HLA-DOA: variants seen among roughly 807,000 people sequenced by gnomAD.
HLA-DOA encodes major histocompatibility complex, class II, DO alpha.
In HLA-DOA, 27 loss-of-function variants were observed where a neutral mutation model predicts 22.9. The ratio of observed to expected loss-of-function variants is 1.18; its 90% CI spans 0.87 to 1.62. HLA-DOA has a LOEUF of 1.62. HLA-DOA is among the 40% of genes most tolerant of loss of function. HLA-DOA has a pLI of 0.00. For synonymous variants in HLA-DOA, 137 were observed against 138.6 expected (o/e 0.99, Z 0.08); for missense variants, 324 against 332.4 (o/e 0.97, Z 0.20).
In HLA-DOA at chr6:33,006,391, T is replaced by C; in HGVS notation, c.*447A>G. ...CATCCCTTTCAGGGTAAACCTGAAC[T>C]CAGGAGGCAAATTTCATGAAGTCCA... On this transcript the variant is annotated 3_prime_UTR_variant, in exon 5 of 5. Transcript: ENST00000229829. 3.8e-6 allele frequency: 1 copy of C among 265,018 alleles called. No individual in the cohort carries two copies. Among genetic ancestry groups the C allele is most frequent in the Admixed American group, 4.5e-5 (1 of 22,066 alleles). 16.4% of individuals were successfully genotyped at this position (265,018 alleles called of 1,614,324 possible). A position where few individuals can be genotyped will look rare whatever the true frequency, so the allele number is the denominator to read the frequency against.
At chr6:33,006,979 G>A in intron 4 of HLA-DOA, 101 bp downstream of exon 4, 1 of 1,513,460 alleles carries the variant, frequency 6.6e-7, no homozygotes, top group South Asian at 1.2e-5. Context: ...TTTCTTTTCT[G>A]ACTTCTTTCC....
rs913428613 is a variant in HLA-DOA, at chr6:33,008,142, C to G, written c.202G>C (p.Val68Leu). The change falls in exon 2 of 5, where the codon GTG (valine) becomes CTG (leucine). Residue 68 changes from valine to leucine, a missense_variant. By Grantham distance (32) the Val-to-Leu change is conservative (BLOSUM62 1). Coordinates refer to ENST00000229829, the MANE Select transcript of HLA-DOA (RefSeq NM_002119.4). Reference protein sequence around the residue: ...FSVDLKKSEAVWRLPEFGDFA... With the variant: ...FSVDLKKSEALWRLPEFGDFA... Reference sequence around the variant, plus strand: ...TCACCAAACTCAGGCAGACGCCACACGGCCTCGCTTTTCTTCAGGTCCACA... The same window carrying G: ...TCACCAAACTCAGGCAGACGCCACAGGGCCTCGCTTTTCTTCAGGTCCACA... 1.9e-6 allele frequency: 3 copies of G among 1,612,974 alleles called. No homozygotes were observed. Among genetic ancestry groups the G allele is most frequent in the Non-Finnish European group, 2.5e-6 (3 of 1,180,046 alleles).
In HLA-DOA at chr6:33,006,902, T is replaced by C. The variant is rs1272793789; in HGVS notation, c.750-61A>G. 3 of 1,488,514 alleles carry C rather than the reference T, an allele frequency of 2.0e-6. No individual in the cohort carries two copies. The African/African-American group carries it at 4.1e-5, about 21-fold the overall frequency. 92.2% of individuals were successfully genotyped at this position (1,488,514 alleles called of 1,614,324 possible). A position where few individuals can be genotyped will look rare whatever the true frequency, so the allele number is the denominator to read the frequency against. ...AATTTCAATATGCTGGGATCCTATC[T>C]CTGAGTGCCCACCTCCCCCAAAACC... is the stretch of plus-strand genomic sequence containing the variant. On this transcript the variant is annotated intron_variant, in intron 4 of 4. Coordinates refer to ENST00000229829, the MANE Select transcript of HLA-DOA (RefSeq NM_002119.4).
chr6:33,007,816 G>T, intron 2 of HLA-DOA, 197 bp downstream of exon 2: 1 of 856,646 alleles, frequency 1.2e-6, no homozygotes, highest in Non-Finnish European at 1.8e-6. Context: ...GGGAGTCCGG[G>T]TGAGAGGTGT....
At chr6:33,008,511 G>A in intron 1 of HLA-DOA, 3 of 1,022,144 alleles carry the variant, frequency 2.9e-6, no homozygotes, top group Non-Finnish European at 2.6e-6. Flanking sequence ...GGAAGAGGAG[G>A]GACTGCCTAA....
chr6:33,007,854 G>A, intron 2 of HLA-DOA, 159 bp downstream of exon 2: 1 of 1,045,336 alleles, frequency 9.6e-7, no homozygotes, highest in Non-Finnish European at 1.4e-6. Flanking sequence ...GGTGCCAAAG[G>A]GGTCTGGGAA....
rs2127550517 is a variant in HLA-DOA at position 33,008,128 on chromosome 6, A to G, written c.216T>C (p.Pro72=). 3 of 1,613,112 alleles carry G rather than the reference A, an allele frequency of 1.9e-6. No homozygotes were observed. The highest frequency in any genetic ancestry group is 2.7e-5 in the African/African-American group (2 of 75,066). The part of the protein sequence containing the change: ...LKKSEAVWRL[P]EFGDFARFDP... ...CAAAGCGGGCAAAGTCACCAAACTC[A>G]GGCAGACGCCACACGGCCTCGCTTT... is the stretch of plus-strand genomic sequence containing the variant. The change falls in exon 2 of 5, where the codon CCT becomes CCC. Residue 72 remains proline (P), a synonymous_variant. Transcript: ENST00000229829.
In HLA-DOA at chr6:33,004,348, A is replaced by C. The variant is rs549153086; in HGVS notation, c.*2490T>G. ...TGTGATGTCTTCTGAGAACCAACTT[A>C]TTCCTCTTTCTCTGAGAAGAACTTG... On this transcript the variant is annotated 3_prime_UTR_variant, in exon 5 of 5. Coordinates refer to ENST00000229829, the MANE Select transcript of HLA-DOA (RefSeq NM_002119.4). The C allele has an allele frequency of 4.6e-5, 7 of 152,308 alleles. No individual in the cohort carries two copies. Among genetic ancestry groups the C allele is most frequent in the African/African-American group, 1.7e-4 (7 of 41,548 alleles). 9.4% of individuals were successfully genotyped at this position (152,308 alleles called of 1,614,324 possible).
chr6:33,006,971 T>C, intron 4 of HLA-DOA, 109 bp downstream of exon 4: 1 of 1,507,602 alleles, frequency 6.6e-7, no homozygotes, highest in African/African-American at 1.4e-5. Context: ...CCTGCCCATT[T>C]CTTTTCTGAC....
Position 33,008,339 on chromosome 6 carries a change from C to T in HLA-DOA, c.83-78G>A, listed in dbSNP as rs1363945903. The T allele has an allele frequency of 3.2e-6, 5 of 1,555,542 alleles. No individual in the cohort carries two copies. The African/African-American group carries it at 5.4e-5, about 17-fold the overall frequency. On this transcript the variant is annotated intron_variant, in intron 1 of 4. Coordinates refer to ENST00000229829, the MANE Select transcript of HLA-DOA (RefSeq NM_002119.4). ...ATCCACAATATGTGATTGTTGAGTCCCTGAGCCTGGGCCCCGTCCTGGGTT... is the reference window on the plus strand; with the variant it reads ...ATCCACAATATGTGATTGTTGAGTCTCTGAGCCTGGGCCCCGTCCTGGGTT...
In HLA-DOA at chr6:33,007,100, T is replaced by C. The variant is rs1249646590; in HGVS notation, c.729A>G (p.Thr243=). 6.2e-7 allele frequency: 1 copy of C among 1,613,406 alleles called. No individual in the cohort carries two copies. ...TGCACCTGGGGACACTGGACACATA[T>C]GTGCCCATGATGATGAGGACGGTGC... The part of the protein sequence containing the change: ...LVGTVLIIMG[T]YVSSVPR The change falls in exon 4 of 5, where the codon ACA becomes ACG. Residue 243 remains threonine (T), a synonymous_variant. Coordinates refer to ENST00000229829, the MANE Select transcript of HLA-DOA (RefSeq NM_002119.4).
rs371973382 is a variant in HLA-DOA, at chr6:33,009,158, G to T, written c.82+297C>A. 5.9e-5 allele frequency among the ~76,000 whole-genome samples: 9 copies of T among 152,268 alleles called. No homozygotes were observed. In the South Asian group the frequency reaches 1.9e-3, roughly 32 times the overall value. ...GGCCAGGGGTGGTAGAGAAATCAGG[G>T]TGCTTGCTGGCATCTGTTGGGTGGA... On this transcript the variant is annotated intron_variant, in intron 1 of 4. Transcript: ENST00000229829. The surrounding 1 kb of genome is among the most constrained non-coding windows in gnomAD (Gnocchi z 4.8).
Position 33,007,517 on chromosome 6 carries a change from T to G in HLA-DOA, c.407A>C (p.Asp136Ala), listed in dbSNP as rs1780871107. ...ATTGATCACAGGGGGGAAGATGTTG[T>G]CCACGATGCAGATGAGGATGTTGGG... Reference protein sequence around the residue: ...GQPNILICIVDNIFPPVINIT... With the variant: ...GQPNILICIVANIFPPVINIT... The change falls in exon 3 of 5, where the codon GAC (aspartate) becomes GCC (alanine). Residue 136 changes from aspartate (D) to alanine (A), a missense_variant. Coordinates refer to ENST00000229829, the MANE Select transcript of HLA-DOA (RefSeq NM_002119.4). 1 of 1,612,882 alleles carries G rather than the reference T, an allele frequency of 6.2e-7. No homozygotes were observed. Among genetic ancestry groups the G allele is most frequent in the African/African-American group, 1.3e-5 (1 of 74,930 alleles).
In HLA-DOA at chr6:33,008,001, G is replaced by A; in HGVS notation, c.331+12C>T. 6.2e-7 allele frequency: 1 copy of A among 1,605,228 alleles called. No homozygotes were observed. On this transcript the variant is annotated intron_variant, in intron 2 of 4. Coordinates refer to ENST00000229829, the MANE Select transcript of HLA-DOA (RefSeq NM_002119.4). ...TCCCGCCTGACTGGGTGGGCAGAGG[G>A]AGGGCCGGTACCGTTGATGGCTCTG...
chr6:33,008,175 G>A lies in HLA-DOA; in HGVS notation c.169C>T (p.Leu57=). The part of the protein sequence containing the change: ...QFTHEFDEEQ[L]FSVDLKKSEA... ...CTTTTCTTCAGGTCCACAGAGAACA[G>A]CTGTTCCTCATCAAATTCATGGGTG... Residue 57 remains leucine, a synonymous_variant, in exon 2 of 5, where the codon CTG becomes TTG. Coordinates refer to ENST00000229829, the MANE Select transcript of HLA-DOA (RefSeq NM_002119.4). 6.2e-7 allele frequency: 1 copy of A among 1,613,088 alleles called. No individual in the cohort carries two copies. Among genetic ancestry groups the A allele is most frequent in the South Asian group, 1.1e-5 (1 of 91,086 alleles).
chr6:33,008,451 C>T, intron 1 of HLA-DOA, 190 bp from the exon 2 acceptor site: 3 of 1,395,974 alleles, frequency 2.1e-6, no homozygotes, highest in South Asian at 1.5e-5. Flanking sequence ...AGGCTCATCC[C>T]AGCACACTGC....
chr6:33,009,398 T>C lies in HLA-DOA; in HGVS notation c.82+57A>G, dbSNP rs1395352116. On this transcript the variant is annotated intron_variant, in intron 1 of 4. Coordinates refer to ENST00000229829, the MANE Select transcript of HLA-DOA (RefSeq NM_002119.4). This position sits in a 1 kb window ranked among gnomAD's most constrained non-coding sequence, Gnocchi z 4.8. ...GCATCCTCCATGCCACCTCCTCATG[T>C]AACCCAACTCCGTAAATCTCTGCTC... The C allele has an allele frequency of 7.6e-7, 1 of 1,312,136 alleles. No homozygotes were observed. Among genetic ancestry groups the C allele is most frequent in the African/African-American group, 1.5e-5 (1 of 67,904 alleles). 81.3% of individuals were successfully genotyped at this position (1,312,136 alleles called of 1,614,324 possible).
Position 33,007,466 on chromosome 6 carries a change from G to A in HLA-DOA, c.458C>T (p.Thr153Ile), listed in dbSNP as rs1446942433. ...GGTCTGGGCCACTCCCTCAGTGACAGTTTGGCCGTTGCGCAGCCAGGTGAT... is the reference window on the plus strand; with the variant it reads ...GGTCTGGGCCACTCCCTCAGTGACAATTTGGCCGTTGCGCAGCCAGGTGAT... ...INITWLRNGQ[T>I]VTEGVAQTSF... The change falls in exon 3 of 5, where the codon ACT (threonine) becomes ATT (isoleucine). Residue 153 changes from threonine to isoleucine, a missense_variant. Thr to Ile is a moderately conservative substitution (Grantham distance 89). Transcript: ENST00000229829. The A allele has an allele frequency of 6.2e-7, 1 of 1,612,100 alleles. No individual in the cohort carries two copies. The highest frequency in any genetic ancestry group is 1.3e-5 in the African/African-American group (1 of 74,942).
chr6:33,007,480 C>T lies in HLA-DOA; in HGVS notation c.444G>A (p.Leu148=), dbSNP rs365066. The change falls in exon 3 of 5, where the codon CTG becomes CTA. Residue 148 remains leucine, a synonymous_variant. Coordinates refer to ENST00000229829, the MANE Select transcript of HLA-DOA (RefSeq NM_002119.4). ...IFPPVINITW[L]RNGQTVTEGV... ...CCTCAGTGACAGTTTGGCCGTTGCG[C>T]AGCCAGGTGATATTGATCACAGGGG... 674,368 of 1,612,352 alleles carry T rather than the reference C, an allele frequency of 0.42. 143,730 individuals carry two copies. Among genetic ancestry groups the T allele is most frequent in the East Asian group, 0.48 (21,549 of 44,858 alleles).
Sources: gnomAD v4.1 joint callset for allele counts (sites outside exome capture counted in the v4.1 genomes callset) on GRCh38, gnomAD v4.1.1 for gene constraint, Gnocchi (gnomAD v3.1) non-coding constraint, MANE v1.5 for transcripts, NCBI Gene and HGNC (gene_info 2026-07-23, HGNC 2026-07-21) for gene names.